CCDC171: variants seen among roughly 807,000 people sequenced by gnomAD.
CCDC171 encodes the protein coiled-coil domain-containing protein 171.
CCDC171 carries 177 observed loss-of-function variants against 168.2 expected under a neutral mutation model. That is an observed-to-expected ratio of 1.05 (90% CI 0.93 to 1.19). The LOEUF is 1.19. CCDC171 is among the 50% of genes most tolerant of loss of function. CCDC171 has a pLI of 0.00. For missense variants in CCDC171, 1,991 were observed against 1,539.0 expected (o/e 1.29, Z -4.91); for synonymous variants, 687 against 540.8 (o/e 1.27, Z -3.75).
At chr9:15,978,351 TG>T (rs143503008), downstream of CCDC171, among the ~76,000 whole-genome samples, 2,712 of 152,290 alleles carry the variant, frequency 0.018, 92 homozygotes, top group African/African-American at 0.063. Context: ...GTGTTCTTAC[TG>T]AAGTGTTCAT....
chr9:16,068,426 A>G, the CCDC171 span, among the ~76,000 whole-genome samples: 1 of 152,142 alleles, frequency 6.6e-6, no homozygotes, highest in African/African-American at 2.4e-5. Context: ...CAAGCTACCA[A>G]TGACTTTCTT....
chr9:15,644,827 C>G (rs370914176), intron 7 of CCDC171, among the ~76,000 whole-genome samples: 1 of 152,174 alleles, frequency 6.6e-6, no homozygotes, highest in Non-Finnish European at 1.5e-5. Context: ...CAGGGCATAG[C>G]CAAACAAAAG....
At chr9:15,871,969 A>G (rs1161179135) in intron 23 of CCDC171, among the ~76,000 whole-genome samples, 1 of 151,994 alleles carries the variant, frequency 6.6e-6, no homozygotes, top group Non-Finnish European at 1.5e-5. Context: ...AACTTTTCCT[A>G]GAAATATTTG....
intron 6 of CCDC171, among the ~76,000 whole-genome samples, chr9:16,032,080 T>C (rs563792195): frequency 5.9e-5 from 9 of 152,358 alleles, no homozygotes; most frequent in African/African-American, 2.2e-4. Flanking sequence ...GGGAATGTTA[T>C]GCATGACATG....
At chr9:15,761,200 C>A (rs1262964833) in intron 18 of CCDC171, among the ~76,000 whole-genome samples, 1 of 152,108 alleles carries the variant, frequency 6.6e-6, no homozygotes, top group Non-Finnish European at 1.5e-5. Context: ...AGATAGATGA[C>A]CCAAATATAC....
At chr9:15,790,540 G>A (rs1479523288) in intron 21 of CCDC171, among the ~76,000 whole-genome samples, 3 of 152,168 alleles carry the variant, frequency 2.0e-5, no homozygotes, top group Non-Finnish European at 4.4e-5. Context: ...CTCCCATCCT[G>A]TAGGTTGCCT....
intron 6 of CCDC171, among the ~76,000 whole-genome samples, chr9:15,622,966 A>C (rs555428073): frequency 6.6e-6 from 1 of 152,240 alleles, no homozygotes; most frequent in Non-Finnish European, 1.5e-5. Flanking sequence ...TAGTTGAACT[A>C]CTGCATTATA....
chr9:15,724,628 A>ATATTTTACTGAATG, intron 13 of CCDC171, 148 bp from the exon 14 acceptor site: 1 of 564,398 alleles, frequency 1.8e-6, no homozygotes, highest in Non-Finnish European at 3.2e-6. Context: ...ATTCAGTAAA[A>ATATTTTACTGAATG]TATTTTAATG....
chr9:15,621,507 G>T (rs1355507394), intron 6 of CCDC171, among the ~76,000 whole-genome samples: 5 of 152,124 alleles, frequency 3.3e-5, no homozygotes, highest in Non-Finnish European at 7.3e-5. Context: ...TAATTATTAA[G>T]AGTTCATATA....
At position 15,578,269 on chromosome 9, in the gene CCDC171, C is replaced by T. The variant is rs114427559; in HGVS notation, c.178-580C>T. Reference sequence around the variant, plus strand: ...TTTTTTTTTTTTAGACGGTCTTGCTCTGTCCTTCAGGATGGAGTGCAGTGG... The same window carrying T: ...TTTTTTTTTTTTAGACGGTCTTGCTTTGTCCTTCAGGATGGAGTGCAGTGG... On this transcript the variant is annotated intron_variant, in intron 3 of 25. Coordinates refer to ENST00000380701, the MANE Select transcript of CCDC171 (RefSeq NM_173550.4). Among the ~76,000 whole-genome samples, 829 of 149,376 alleles carry T rather than the reference C, an allele frequency of 5.5e-3. 10 individuals carry two copies. Among genetic ancestry groups the T allele is most frequent in the African/African-American group, 0.02 (801 of 40,726 alleles).
intron 18 of CCDC171, among the ~76,000 whole-genome samples, chr9:15,776,901 T>C (rs1478043213): frequency 6.6e-6 from 1 of 152,230 alleles, no homozygotes; most frequent in African/African-American, 2.4e-5. Flanking sequence ...CATTTTACAT[T>C]GATAGTATCA....
intron 21 of CCDC171, among the ~76,000 whole-genome samples, chr9:15,840,958 A>T (rs998475916): frequency 6.6e-6 from 1 of 151,986 alleles, no homozygotes; most frequent in Non-Finnish European, 1.5e-5. Context: ...ATTATTGATC[A>T]CTTTCAGTTA....
At chr9:16,036,599 G>A (rs901337101) in intron 8 of CCDC171, among the ~76,000 whole-genome samples, 3 of 152,022 alleles carry the variant, frequency 2.0e-5, no homozygotes, top group Non-Finnish European at 2.9e-5. Flanking sequence ...AGTGGAGATC[G>A]CGCCACTGCA....
At chr9:15,595,708 C>G (rs1471154356) in intron 6 of CCDC171, among the ~76,000 whole-genome samples, 2 of 152,142 alleles carry the variant, frequency 1.3e-5, no homozygotes, top group African/African-American at 4.8e-5. Context: ...TTCTAGATCC[C>G]TGAGGAATTG....
chr9:15,560,644 GT>G (rs1161366702), intron 1 of CCDC171, among the ~76,000 whole-genome samples: 4 of 151,986 alleles, frequency 2.6e-5, no homozygotes, highest in African/African-American at 9.7e-5. Context: ...TTTTTTCAAG[GT>G]TTTTAGCTTC....
At chr9:15,677,005 G>A (rs909830742) in intron 9 of CCDC171, among the ~76,000 whole-genome samples, 3 of 152,016 alleles carry the variant, frequency 2.0e-5, no homozygotes, top group Non-Finnish European at 4.4e-5. Context: ...ATCATTTTTT[G>A]TTCCCAGTGT....
At chr9:15,667,397 G>C (rs2136352) in intron 9 of CCDC171, among the ~76,000 whole-genome samples, 1 of 152,140 alleles carries the variant, frequency 6.6e-6, no homozygotes, top group African/African-American at 2.4e-5. Context: ...TGTAATCCCA[G>C]CACTTTGGGA....
chr9:15,899,875 GT>G (rs1821392953), intron 24 of CCDC171, among the ~76,000 whole-genome samples: 2 of 151,706 alleles, frequency 1.3e-5, no homozygotes, highest in East Asian at 1.9e-4. Context: ...TCAGTTTATT[GT>G]TTTTTTCTTT....
chr9:15,570,083 C>A (rs1006152039), intron 2 of CCDC171, among the ~76,000 whole-genome samples: 2 of 152,062 alleles, frequency 1.3e-5, no homozygotes, highest in Non-Finnish European at 2.9e-5. Flanking sequence ...GATTCTCCTG[C>A]CTTTGCCTCC....
Sources: gnomAD v4.1 joint callset for allele counts (sites outside exome capture counted in the v4.1 genomes callset) on GRCh38, gnomAD v4.1.1 for gene constraint, MANE v1.5 for transcripts, NCBI Gene and HGNC (gene_info 2026-07-23, HGNC 2026-07-21) for gene names.